TRAPPC8: variants seen among roughly 807,000 people sequenced by gnomAD.
TRAPPC8 encodes the protein trafficking protein particle complex subunit 8, also known as general sporulation gene 1 homolog.
TRAPPC8 carries 54 observed loss-of-function variants against 174.3 expected under a neutral mutation model. The ratio of observed to expected loss-of-function variants is 0.31; its 90% CI spans 0.25 to 0.39. The LOEUF is 0.39. TRAPPC8 is among the 10% of genes least tolerant of loss of function. The pLI is 1.00. For missense variants in TRAPPC8, 1,531 were observed against 1,699.1 expected (o/e 0.90, Z 1.74); for synonymous variants, 630 against 579.9 (o/e 1.09, Z -1.24).
intron 12 of TRAPPC8, among the ~76,000 whole-genome samples, chr18:31,890,501 A>T (rs1441308940): frequency 6.6e-6 from 1 of 152,196 alleles, no homozygotes; most frequent in Non-Finnish European, 1.5e-5. Context: ...TAAAATTACA[A>T]ATTTTATAAA....
chr18:31,931,612 G>T, intron 1 of TRAPPC8, 89 bp from the exon 2 acceptor site: 1 of 1,016,528 alleles, frequency 9.8e-7, no homozygotes, highest in Non-Finnish European at 1.4e-6. Context: ...AAACAAAAAG[G>T]ATGTACAAAG....
chr18:31,899,152 T>C (rs2036304361), intron 10 of TRAPPC8, among the ~76,000 whole-genome samples: 1 of 152,330 alleles, frequency 6.6e-6, no homozygotes, highest in South Asian at 2.1e-4. Context: ...ACTTATATAA[T>C]AGGTTCAGTT....
intron 26 of TRAPPC8, among the ~76,000 whole-genome samples, chr18:31,841,836 C>A (rs1371782670): frequency 6.6e-6 from 1 of 151,990 alleles, no homozygotes; most frequent in Non-Finnish European, 1.5e-5. Context: ...TTACTTTATC[C>A]CCCAGTATCA....
At position 31,936,527 on chromosome 18, in the gene TRAPPC8, T is replaced by C. The variant is rs939981120; in HGVS notation, c.158-5004A>G. Among the ~76,000 whole-genome samples the C allele has an allele frequency of 3.9e-5, 6 of 152,266 alleles. 1 individual carries two copies. The Middle Eastern group carries it at 0.014, about 345-fold the overall frequency. Reference sequence around the variant, plus strand: ...AACTGACTTGAATTTTATTCAGAGTTTGGTACTTCCACACCTTGGAGATTA... The same window carrying C: ...AACTGACTTGAATTTTATTCAGAGTCTGGTACTTCCACACCTTGGAGATTA... On this transcript the variant is annotated intron_variant, in intron 1 of 28. Coordinates refer to ENST00000283351, the MANE Select transcript of TRAPPC8 (RefSeq NM_014939.5).
chr18:31,919,589 TAA>T (rs1314380010), intron 2 of TRAPPC8, among the ~76,000 whole-genome samples: 22 of 52,956 alleles, frequency 4.2e-4, no homozygotes, highest in Admixed American at 1.2e-3. Context: ...AATAAATAAA[TAA>T]AATAATAATA....
At position 31,870,983 on chromosome 18, in the gene TRAPPC8, G is replaced by C. The variant is rs1312953704; in HGVS notation, c.2200C>G (p.Gln734Glu). Reference sequence around the variant, plus strand: ...TCTGAGTAACTGTTCAAACAGTATTGTGTGGGATGAAAATTGGATGGAATT... The same window carrying C: ...TCTGAGTAACTGTTCAAACAGTATTCTGTGGGATGAAAATTGGATGGAATT... The part of the protein sequence containing the change: ...GVIPSNFHPT[Q>E]YCLNSYSDNS... The change falls in exon 15 of 29, where the codon CAA (glutamine) becomes GAA (glutamate). Residue 734 changes from glutamine (Q) to glutamate (E), a missense_variant. Gln to Glu is a conservative substitution (Grantham distance 29). Coordinates refer to ENST00000283351, the MANE Select transcript of TRAPPC8 (RefSeq NM_014939.5). The C allele has an allele frequency of 6.2e-7, 1 of 1,610,890 alleles. No homozygotes were observed. The highest frequency in any genetic ancestry group is 8.5e-7 in the Non-Finnish European group (1 of 1,178,078).
At position 31,876,489 on chromosome 18, in the gene TRAPPC8, CAAAAAAAAA is replaced by C. The variant is rs71175801; in HGVS notation, c.1729-1794_1729-1786del. On this transcript the variant is annotated intron_variant, in intron 12 of 28. Coordinates refer to ENST00000283351, the MANE Select transcript of TRAPPC8 (RefSeq NM_014939.5). ...TGGGCTACACTGCGAGACTCCATCTCAAAAAAAAAAAAAAAAAAAAAAAGATCACTTACT... is the reference window on the plus strand; with the variant it reads ...TGGGCTACACTGCGAGACTCCATCTCAAAAAAAAAAAAAAGATCACTTACT... Among the ~76,000 whole-genome samples, 69 of 48,720 alleles carry C rather than the reference CAAAAAAAAA, an allele frequency of 1.4e-3. 4 individuals carry two copies. The highest frequency in any genetic ancestry group is 6.2e-3 in the African/African-American group (66 of 10,630). The allele number at this position is 48,720 out of a possible 152,430, so 32.0% of individuals were successfully genotyped here.
chr18:31,885,917 G>A (rs1018956451), intron 12 of TRAPPC8, among the ~76,000 whole-genome samples: 2 of 151,826 alleles, frequency 1.3e-5, no homozygotes, highest in Non-Finnish European at 2.9e-5. Flanking sequence ...TACGGCAAGA[G>A]ATAAACCACT....
intron 3 of TRAPPC8, among the ~76,000 whole-genome samples, chr18:31,916,966 G>T (rs141221598): frequency 7.3e-4 from 110 of 151,316 alleles, no homozygotes; most frequent in African/African-American, 2.6e-3. Context: ...TTTGTTGACA[G>T]TTTTTTCGGC....
intron 24 of TRAPPC8, among the ~76,000 whole-genome samples, 172 bp downstream of exon 24, chr18:31,852,273 CG>C (rs1334830274): frequency 1.4e-4 from 21 of 152,134 alleles, no homozygotes; most frequent in African/African-American, 5.1e-4. Flanking sequence ...CCTGGGAAGT[CG>C]AGGCTGCAGT....
intron 24 of TRAPPC8, among the ~76,000 whole-genome samples, chr18:31,850,174 A>T (rs2033635615): frequency 6.6e-6 from 1 of 152,030 alleles, no homozygotes; most frequent in African/African-American, 2.4e-5. Flanking sequence ...GTGGTCTTGA[A>T]CTACTGAGCT....
chr18:31,903,156 A>G (rs2036520703), intron 9 of TRAPPC8, among the ~76,000 whole-genome samples: 2 of 151,732 alleles, frequency 1.3e-5, no homozygotes, highest in Admixed American at 6.6e-5. Context: ...TCCCTGTGAC[A>G]CTGGAAGTGG....
intron 12 of TRAPPC8, among the ~76,000 whole-genome samples, chr18:31,889,616 GTTATTTCT>G (rs1473680516): frequency 6.8e-6 from 1 of 146,688 alleles, no homozygotes; most frequent in Non-Finnish European, 1.5e-5. Context: ...AGTAGTAATA[GTTATTTCT>G]TTAAGTTTTT....
In TRAPPC8 at chr18:31,883,025, C is replaced by T. The variant is rs141235298; in HGVS notation, c.1728+7710G>A. Among the ~76,000 whole-genome samples, 23 of 150,244 alleles carry T rather than the reference C, an allele frequency of 1.5e-4. No homozygotes were observed. The East Asian group carries it at 4.2e-3, about 28-fold the overall frequency. On this transcript the variant is annotated intron_variant, in intron 12 of 28. Coordinates refer to ENST00000283351, the MANE Select transcript of TRAPPC8 (RefSeq NM_014939.5). ...GGATCACGAGTTCAGGAGTTCGAGA[C>T]CAGCCTGGCCAACATGGTGAAACCC... is the stretch of plus-strand genomic sequence containing the variant.
rs566105177 is a variant in TRAPPC8, at chr18:31,924,154, G to A, written c.353-6487C>T. Among the ~76,000 whole-genome samples, 132 of 151,798 alleles carry A rather than the reference G, an allele frequency of 8.7e-4. 1 individual carries two copies. The highest frequency in any genetic ancestry group is 2.9e-3 in the Admixed American group (44 of 15,244). On this transcript the variant is annotated intron_variant, in intron 2 of 28. Transcript: ENST00000283351. ...CAAAAAATTAGCCAGGCGTGGTGGC[G>A]GGTGCCTGTAATCCCAGCTACTTGG...
rs373324722 is a variant in TRAPPC8 at position 31,908,293 on chromosome 18, C to A, written c.1238+10G>T. On this transcript the variant is annotated intron_variant, in intron 8 of 28. Transcript: ENST00000283351. ...CAGAGGAAAAACAAAAATGATAACA[C>A]TTTACTCACAGCAAGCCAGATGTAT... The A allele has an allele frequency of 3.2e-6, 5 of 1,574,084 alleles. No individual in the cohort carries two copies. The African/African-American group carries it at 5.5e-5, about 17-fold the overall frequency.
intron 2 of TRAPPC8, among the ~76,000 whole-genome samples, chr18:31,930,106 G>GT (rs1164080349): frequency 6.6e-6 from 1 of 151,524 alleles, no homozygotes; most frequent in Non-Finnish European, 1.5e-5. Context: ...AATTCTCTGC[G>GT]TATGTTTAGG....
At chr18:31,841,823 G>A (rs1278247976) in intron 26 of TRAPPC8, among the ~76,000 whole-genome samples, 3 of 151,936 alleles carry the variant, frequency 2.0e-5, no homozygotes, top group Non-Finnish European at 4.4e-5. Context: ...TTACCTATGT[G>A]GATTACTTTA....
In TRAPPC8 at chr18:31,913,443, A is replaced by T. The variant is rs2037002007; in HGVS notation, c.697T>A (p.Ser233Thr). The change falls in exon 5 of 29, where the codon TCT becomes ACT. Residue 233 changes from serine to threonine, a missense_variant. Ser to Thr is a moderately conservative substitution (Grantham distance 58, BLOSUM62 1). Transcript: ENST00000283351. ...CYLLKINSRT[S>T]NRASDEQIPD... ...ATCTGTTCATCTGATGCTCGATTAGATGTTCGAGAATTAATTTTAAGTAAA... is the reference window on the plus strand; with the variant it reads ...ATCTGTTCATCTGATGCTCGATTAGTTGTTCGAGAATTAATTTTAAGTAAA... The T allele has an allele frequency of 6.2e-7, 1 of 1,611,674 alleles. No homozygotes were observed. Among genetic ancestry groups the T allele is most frequent in the Non-Finnish European group, 8.5e-7 (1 of 1,179,520 alleles).
Sources: gnomAD v4.1 joint callset for allele counts (sites outside exome capture counted in the v4.1 genomes callset) on GRCh38, gnomAD v4.1.1 for gene constraint, MANE v1.5 for transcripts, NCBI Gene and HGNC (gene_info 2026-07-23, HGNC 2026-07-21) for gene names.